The following PAN3 variants were observed in gnomAD, a reference collection of about 807,000 sequenced individuals.
The protein encoded by PAN3 is PAN2-PAN3 deadenylation complex subunit PAN3.
A neutral mutation model predicts 96.2 loss-of-function variants in PAN3; 19 were observed. That is an observed-to-expected ratio of 0.20 (90% CI 0.14 to 0.29). PAN3 has a LOEUF of 0.29. PAN3 is among the 10% of genes least tolerant of loss of function. The pLI, the probability that PAN3 is intolerant of heterozygous loss-of-function variation, is 1.00. For missense variants in PAN3, 882 were observed against 1,108.1 expected, an observed-to-expected ratio of 0.80 and a Z score of 2.90; for synonymous variants, 433 against 406.6, an observed-to-expected ratio of 1.06 and a Z score of -0.78.
intron 15 of PAN3, 35 bp downstream of exon 15, chr13:28,277,411 A>G: frequency 6.3e-7 from 1 of 1,578,024 alleles, no homozygotes; most frequent in East Asian, 2.3e-5. Context: ...GTACAGAATG[A>G]TTATTTGCGA....
chr13:28,244,594 A>G (rs1048115170), intron 6 of PAN3, among the ~76,000 whole-genome samples: 9 of 151,976 alleles, frequency 5.9e-5, no homozygotes, highest in Non-Finnish European at 8.8e-5. Flanking sequence ...TTGGTGTCCT[A>G]TTCTTTTGCA....
chr13:28,195,211 T>A (rs1237049823), intron 4 of PAN3, among the ~76,000 whole-genome samples: 3 of 152,082 alleles, frequency 2.0e-5, no homozygotes, highest in Non-Finnish European at 4.4e-5. Context: ...CAGACCAGCC[T>A]GGGTGACATA....
At chr13:28,216,582 T>C (rs1403410469) in intron 5 of PAN3, among the ~76,000 whole-genome samples, 1 of 152,140 alleles carries the variant, frequency 6.6e-6, no homozygotes, top group Non-Finnish European at 1.5e-5. Context: ...ACAGAGCCCT[T>C]AAGATAGCTA....
At chr13:28,239,905 T>G in intron 6 of PAN3, 1 of 310,192 alleles carries the variant, frequency 3.2e-6, no homozygotes, top group South Asian at 2.7e-5. Context: ...AGAATTTGTA[T>G]GCACTGAGAG....
At chr13:28,221,259 T>C (rs1881375517) in intron 6 of PAN3, among the ~76,000 whole-genome samples, 1 of 152,054 alleles carries the variant, frequency 6.6e-6, no homozygotes, top group South Asian at 2.1e-4. Context: ...AGCAGATTGG[T>C]ATCTTATGTT....
chr13:28,248,254 T>C (rs1477729347), intron 6 of PAN3, among the ~76,000 whole-genome samples: 1 of 152,220 alleles, frequency 6.6e-6, no homozygotes, highest in Non-Finnish European at 1.5e-5. Flanking sequence ...TACTGGTTTT[T>C]TTAAGTTGGT....
chr13:28,159,025 A>G (rs1027580465), intron 1 of PAN3, among the ~76,000 whole-genome samples: 11 of 152,254 alleles, frequency 7.2e-5, no homozygotes, highest in Admixed American at 2.0e-4. Context: ...GAACACTTCT[A>G]CACTGCTAGT....
intron 14 of PAN3, among the ~76,000 whole-genome samples, chr13:28,275,802 A>G (rs1459990600): frequency 1.3e-5 from 2 of 152,134 alleles, no homozygotes; most frequent in Non-Finnish European, 2.9e-5. Context: ...TGAAGTTTTA[A>G]AAGTTTTCTG....
chr13:28,189,159 A>G (rs746750403), intron 4 of PAN3, among the ~76,000 whole-genome samples: 6 of 152,164 alleles, frequency 3.9e-5, no homozygotes, highest in Non-Finnish European at 7.3e-5. Flanking sequence ...ACTGGCTTTT[A>G]TGAAGTGGGG....
Position 28,292,438 on chromosome 13 carries a change from A to G in PAN3, c.2580A>G (p.Val860=), listed in dbSNP as rs1869871732. 1.2e-6 allele frequency: 2 copies of G among 1,612,400 alleles called. No homozygotes were observed. The highest frequency in any genetic ancestry group is 1.3e-5 in the African/African-American group (1 of 75,024). The change falls in exon 19 of 19, where the codon GTA becomes GTG. Residue 860 remains valine, a synonymous_variant. Coordinates refer to ENST00000380958, the MANE Select transcript of PAN3 (RefSeq NM_175854.8). ...TGATTTCCAGAGATGAGAAGAGTGT[A>G]CTTGTGGTGACCTACAGTGACTTAA... ...ISLISRDEKS[V]LVVTYSDLKR...
At chr13:28,174,150 T>A in intron 1 of PAN3, 122 bp from the exon 2 acceptor site, 15 of 1,036,496 alleles carry the variant, frequency 1.4e-5, no homozygotes, top group Non-Finnish European at 2.1e-5. Flanking sequence ...TGTTATGAAC[T>A]GGTAAATAAA....
intron 14 of PAN3, 184 bp downstream of exon 14, chr13:28,272,255 CTATT>C (rs1215434716): frequency 7.3e-6 from 3 of 412,250 alleles, no homozygotes; most frequent in Non-Finnish European, 1.3e-5. Flanking sequence ...TTTCCCCTCT[CTATT>C]TCTTTCTCTC....
At chr13:28,172,185 G>C (rs1874386442) in intron 1 of PAN3, among the ~76,000 whole-genome samples, 1 of 152,318 alleles carries the variant, frequency 6.6e-6, no homozygotes, top group East Asian at 1.9e-4. Flanking sequence ...GCTGGGCACG[G>C]TGGCTCACGC....
chr13:28,225,468 G>A (rs1263060497), intron 6 of PAN3, among the ~76,000 whole-genome samples: 1 of 152,172 alleles, frequency 6.6e-6, no homozygotes, highest in Admixed American at 6.5e-5. Flanking sequence ...ATAGTAGTTG[G>A]ATTAGGCAAT....
intron 5 of PAN3, among the ~76,000 whole-genome samples, chr13:28,213,278 A>G (rs1363230551): frequency 2.6e-5 from 4 of 152,240 alleles, no homozygotes; most frequent in African/African-American, 9.6e-5. Context: ...CATAGACTAC[A>G]TACAACTACT....
At chr13:28,148,272 C>T (rs370464530) in intron 1 of PAN3, among the ~76,000 whole-genome samples, 1 of 151,640 alleles carries the variant, frequency 6.6e-6, no homozygotes, top group Non-Finnish European at 1.5e-5. Context: ...TAAATTATAG[C>T]GTGTGTGTTT....
intron 1 of PAN3, among the ~76,000 whole-genome samples, chr13:28,163,547 A>C (rs1216213717): frequency 1.3e-5 from 2 of 152,180 alleles, no homozygotes; most frequent in Non-Finnish European, 2.9e-5. Context: ...GAAGAAATGA[A>C]ATTTACAGTT....
At chr13:28,201,629 G>A (rs1352251064) in intron 5 of PAN3, among the ~76,000 whole-genome samples, 1 of 151,958 alleles carries the variant, frequency 6.6e-6, no homozygotes, top group Non-Finnish European at 1.5e-5. Context: ...TGAACTCCTG[G>A]CCTCAAGTGA....
At chr13:28,274,495 TAA>T (rs779861154) in intron 14 of PAN3, among the ~76,000 whole-genome samples, 37 of 142,332 alleles carry the variant, frequency 2.6e-4, no homozygotes, top group African/African-American at 8.2e-4. Context: ...GTGTCTGCAT[TAA>T]AAAAAAAAAA....
Sources: gnomAD v4.1 joint callset for allele counts (sites outside exome capture counted in the v4.1 genomes callset) on GRCh38, gnomAD v4.1.1 for gene constraint, MANE v1.5 for transcripts, NCBI Gene and HGNC (gene_info 2026-07-23, HGNC 2026-07-21) for gene names.